Variants in SLC6A3 observed in about 807,000 individuals in gnomAD.
SLC6A3 encodes the protein solute carrier family 6 member 3.
A neutral mutation model predicts 70.4 loss-of-function variants in SLC6A3; 19 were observed. The observed-to-expected ratio is 0.27, with a 90% CI of 0.19 to 0.40. SLC6A3 has a LOEUF of 0.40. Ranked by LOEUF, SLC6A3 falls within the 10% of genes least tolerant of loss-of-function variation. The probability of loss-of-function intolerance (pLI) is 1.00; values close to 1 mark genes in which losing one functional copy is unlikely to be tolerated. For synonymous variants in SLC6A3, 368 were observed against 356.6 expected (o/e 1.03, Z -0.36); for missense variants, 613 against 838.5 (o/e 0.73, Z 3.32).
Position 1,442,397 on chromosome 5 carries a change from C to T in SLC6A3, c.286+515G>A, listed in dbSNP as rs1428139896. ...AAAGAGGCTCCTGGGAAGGGATCACCAATGTTCTTGGACGTCCCCGGTGGC... is the reference window on the plus strand; with the variant it reads ...AAAGAGGCTCCTGGGAAGGGATCACTAATGTTCTTGGACGTCCCCGGTGGC... On this transcript the variant is annotated intron_variant, in intron 2 of 14. Coordinates refer to ENST00000270349, the MANE Select transcript of SLC6A3 (RefSeq NM_001044.5). The surrounding 1 kb of genome is among the most constrained non-coding windows in gnomAD (Gnocchi z 5.0). Among the ~76,000 whole-genome samples the T allele has an allele frequency of 1.3e-5, 2 of 152,142 alleles. No homozygotes were observed. Among genetic ancestry groups the T allele is most frequent in the African/African-American group, 4.8e-5 (2 of 41,446 alleles).
rs1370817151 is a variant in SLC6A3 at position 1,396,442 on chromosome 5, C to T, written c.1840-1684G>A. 2.0e-5 allele frequency among the ~76,000 whole-genome samples: 3 copies of T among 152,178 alleles called. No individual in the cohort carries two copies. Among genetic ancestry groups the T allele is most frequent in the Admixed American group, 1.3e-4 (2 of 15,276 alleles). On this transcript the variant is annotated intron_variant, in intron 14 of 14. Coordinates refer to ENST00000270349, the MANE Select transcript of SLC6A3 (RefSeq NM_001044.5). The surrounding 1 kb of genome is among the most constrained non-coding windows in gnomAD (Gnocchi z 7.0). ...CCCCCTGCCACCCTGCTCGCTGCCTCGAGGGAGTTTCTAGATTGCAGCACA... is the reference window on the plus strand; with the variant it reads ...CCCCCTGCCACCCTGCTCGCTGCCTTGAGGGAGTTTCTAGATTGCAGCACA...
intron 4 of SLC6A3, among the ~76,000 whole-genome samples, chr5:1,431,556 C>T (rs1183062212): frequency 5.3e-5 from 2 of 37,392 alleles, no homozygotes; most frequent in South Asian, 9.5e-4. Context: ...TGGGTCTGGC[C>T]GGGGTGGACG....
intron 4 of SLC6A3, among the ~76,000 whole-genome samples, chr5:1,431,007 C>G (rs1025753230): frequency 6.6e-6 from 1 of 152,256 alleles, no homozygotes; most frequent in African/African-American, 2.4e-5. Flanking sequence ...AAGCGAGCCC[C>G]CCAAACAGGA....
rs1482107466 is a variant in SLC6A3 at position 1,392,992 on chromosome 5, CAATGGGGAAGCCGCTCTCTGTGCTGACTG to C, written c.*1714_*1742del. On this transcript the variant is annotated 3_prime_UTR_variant, in exon 15 of 15. Coordinates refer to ENST00000270349, the MANE Select transcript of SLC6A3 (RefSeq NM_001044.5). ...GTCCTCTGTGTCCCTCCCCAGAAGG[CAATGGGGAAGCCGCTCTCTGTGCTGACTG>C]CAGCGGCCAGAAGGCGATGGGGAAG... The C allele has an allele frequency of 1.3e-5, 2 of 151,762 alleles. No homozygotes were observed. Among genetic ancestry groups the C allele is most frequent in the African/African-American group, 4.9e-5 (2 of 41,118 alleles). 9.4% of individuals were successfully genotyped at this position (151,762 alleles called of 1,614,324 possible).
At position 1,436,263 on chromosome 5, in the gene SLC6A3, G is replaced by C. The variant is rs1756833812; in HGVS notation, c.419-3565C>G. On this transcript the variant is annotated intron_variant, in intron 3 of 14. Coordinates refer to ENST00000270349, the MANE Select transcript of SLC6A3 (RefSeq NM_001044.5). This position sits in a 1 kb window ranked among gnomAD's most constrained non-coding sequence, Gnocchi z 5.2. ...CCACGAGCTCCTCAAGCTCACCGAA[G>C]GCCCAGACGCAGGAAACCCACTACC... is the stretch of plus-strand genomic sequence containing the variant. 6.6e-6 allele frequency among the ~76,000 whole-genome samples: 1 copy of C among 152,242 alleles called. No homozygotes were observed. The highest frequency in any genetic ancestry group is 2.4e-5 in the African/African-American group (1 of 41,476).
Position 1,403,063 on chromosome 5 carries a change from G to A in SLC6A3, c.1626C>T (p.Thr542=). Residue 542 remains threonine, a synonymous_variant, in exon 13 of 15, where the codon ACC becomes ACT. Transcript: ENST00000270349. ...LLFVVVVSIV[T]FRPPHYGAYI... ...AGGCTCCGTAGTGGGGGGGTCTGAA[G>A]GTCACAATGCTGACCACGACCACGA... The A allele has an allele frequency of 6.2e-7, 1 of 1,613,816 alleles. No homozygotes were observed. The highest frequency in any genetic ancestry group is 8.5e-7 in the Non-Finnish European group (1 of 1,180,014).
At chr5:1,415,668 G>A (rs1037115594) in intron 7 of SLC6A3, among the ~76,000 whole-genome samples, 4 of 152,208 alleles carry the variant, frequency 2.6e-5, no homozygotes, top group African/African-American at 9.7e-5. Flanking sequence ...TCAGGTGCCT[G>A]CCAGTAAGTA....
intron 8 of SLC6A3, among the ~76,000 whole-genome samples, chr5:1,414,358 G>T (rs1463772493): frequency 2.0e-5 from 3 of 149,794 alleles, no homozygotes; most frequent in Non-Finnish European, 4.5e-5. Flanking sequence ...CCAGCCCAGG[G>T]TGGAGGCCCC....
chr5:1,394,893 G>A lies in SLC6A3; in HGVS notation c.1840-135C>T. 1.1e-6 allele frequency: 1 copy of A among 924,974 alleles called. No homozygotes were observed. The highest frequency in any genetic ancestry group is 1.8e-6 in the Non-Finnish European group (1 of 567,184). The allele number at this position is 924,974 out of a possible 1,614,324, so 57.3% of individuals were successfully genotyped here. On this transcript the variant is annotated intron_variant, in intron 14 of 14. Transcript: ENST00000270349. The surrounding 1 kb of genome is among the most constrained non-coding windows in gnomAD (Gnocchi z 4.7). ...CTGGCCATGTGCCCTGGGAGAAGGG[G>A]AGGCTCACTGGGGGCCTGGACCAAC... is the stretch of plus-strand genomic sequence containing the variant.
At chr5:1,444,667 G>C (rs1579730818) in intron 1 of SLC6A3, among the ~76,000 whole-genome samples, 2 of 152,264 alleles carry the variant, frequency 1.3e-5, no homozygotes, top group Admixed American at 6.5e-5. Context: ...AGGCCGCGTT[G>C]GGAGAGGGCG....
intron 3 of SLC6A3, 48 bp downstream of exon 3, chr5:1,441,311 A>G (rs745860345): frequency 6.2e-7 from 1 of 1,613,104 alleles, no homozygotes; most frequent in Admixed American, 1.7e-5. Context: ...CAGCGTCACC[A>G]CCATGATCCG....
At chr5:1,419,716 G>A (rs902880314) in intron 6 of SLC6A3, among the ~76,000 whole-genome samples, 7 of 152,034 alleles carry the variant, frequency 4.6e-5, no homozygotes, top group Admixed American at 3.3e-4. Flanking sequence ...GGCTCCCGTG[G>A]GCCACACGCC....
At chr5:1,423,334 C>T (rs1281702932) in intron 4 of SLC6A3, among the ~76,000 whole-genome samples, 2 of 139,564 alleles carry the variant, frequency 1.4e-5, no homozygotes, top group African/African-American at 5.5e-5. Flanking sequence ...GGGTACCCAC[C>T]GCTGCCCACA....
Position 1,408,794 on chromosome 5 carries a change from G to C in SLC6A3, c.1498+232C>G, listed in dbSNP as rs1450139319. Among the ~76,000 whole-genome samples the C allele has an allele frequency of 6.6e-6, 1 of 152,246 alleles. No homozygotes were observed. Among genetic ancestry groups the C allele is most frequent in the Non-Finnish European group, 1.5e-5 (1 of 68,052 alleles). On this transcript the variant is annotated intron_variant, in intron 11 of 14. Coordinates refer to ENST00000270349, the MANE Select transcript of SLC6A3 (RefSeq NM_001044.5). The surrounding 1 kb of genome is among the most constrained non-coding windows in gnomAD (Gnocchi z 6.4). Reference sequence around the variant, plus strand: ...AGGAGGCAGAAGACGCCCAGCCGCTGTGAACACCTCTGACCACAGTGTGCC... The same window carrying C: ...AGGAGGCAGAAGACGCCCAGCCGCTCTGAACACCTCTGACCACAGTGTGCC...
At chr5:1,403,710 C>T (rs1054971189) in intron 12 of SLC6A3, among the ~76,000 whole-genome samples, 1 of 152,114 alleles carries the variant, frequency 6.6e-6, no homozygotes, top group African/African-American at 2.4e-5. Flanking sequence ...CATCTGAGCT[C>T]CGTATCTCTA....
At chr5:1,434,162 A>T (rs1428001211) in intron 3 of SLC6A3, among the ~76,000 whole-genome samples, 4 of 152,238 alleles carry the variant, frequency 2.6e-5, no homozygotes, top group Non-Finnish European at 5.9e-5. Flanking sequence ...CACACTACCC[A>T]TGCATGACCA....
intron 12 of SLC6A3, among the ~76,000 whole-genome samples, chr5:1,403,683 C>A (rs552497444): frequency 6.6e-6 from 1 of 151,982 alleles, no homozygotes; most frequent in Non-Finnish European, 1.5e-5. Flanking sequence ...GTGACCCATG[C>A]GGGACCACCC....
At chr5:1,426,966 C>A (rs1406187557) in intron 4 of SLC6A3, among the ~76,000 whole-genome samples, 1 of 152,148 alleles carries the variant, frequency 6.6e-6, no homozygotes, top group Non-Finnish European at 1.5e-5. Flanking sequence ...ACCACAATAG[C>A]CCCCCAAGAA....
chr5:1,406,137 G>A lies in SLC6A3; in HGVS notation c.1599+51C>T, dbSNP rs572518078. On this transcript the variant is annotated intron_variant, in intron 12 of 14. Transcript: ENST00000270349. This position sits in a 1 kb window ranked among gnomAD's most constrained non-coding sequence, Gnocchi z 8.8. ...GCTGGACCTCGGGGCAGGTGCCAGA[G>A]TGGGGGCAGTGGGCAGACGGGGGAA... is the stretch of plus-strand genomic sequence containing the variant. 1.4e-5 allele frequency: 19 copies of A among 1,358,576 alleles called. No homozygotes were observed. The East Asian group carries it at 4.1e-4, about 29-fold the overall frequency. 84.2% of individuals were successfully genotyped at this position (1,358,576 alleles called of 1,614,324 possible). A position where few individuals can be genotyped will look rare whatever the true frequency, so the allele number is the denominator to read the frequency against.
Sources: gnomAD v4.1 joint callset for allele counts (sites outside exome capture counted in the v4.1 genomes callset) on GRCh38, gnomAD v4.1.1 for gene constraint, Gnocchi (gnomAD v3.1) non-coding constraint, MANE v1.5 for transcripts, NCBI Gene and HGNC (gene_info 2026-07-23, HGNC 2026-07-21) for gene names.